The following DLG2 variants were observed in gnomAD, a reference collection of about 807,000 sequenced individuals.
The protein encoded by DLG2 is disks large homolog 2.
In DLG2, 45 loss-of-function variants were observed where a neutral mutation model predicts 132.5. The ratio of observed to expected loss-of-function variants is 0.34; its 90% CI spans 0.27 to 0.44. DLG2 has a LOEUF of 0.44. DLG2 is among the 20% of genes least tolerant of loss of function. The pLI is 1.00. For missense variants in DLG2, 1,045 were observed against 1,196.9 expected (o/e 0.87, Z 1.87); for synonymous variants, 424 against 419.6 (o/e 1.01, Z -0.13).
rs892709513 is a variant in DLG2, at chr11:85,316,748, G to GA, written c.41-31384dup. Among the ~76,000 whole-genome samples, 24 of 151,088 alleles carry GA rather than the reference G, an allele frequency of 1.6e-4. No homozygotes were observed. In the East Asian group the frequency reaches 3.1e-3, roughly 19 times the overall value. On this transcript the variant is annotated intron_variant, in intron 3 of 27. Transcript: ENST00000376104. ...AAATAGAAAATCTTCTTTGGCAGAA[G>GA]AAAAAAAACAGGTAAAATACAACTG...
At chr11:84,798,522 A>T (rs2074966712) in intron 6 of DLG2, among the ~76,000 whole-genome samples, 1 of 152,088 alleles carries the variant, frequency 6.6e-6, no homozygotes, top group Non-Finnish European at 1.5e-5. Context: ...GGGGCTCTTC[A>T]GTCAGCTTGT....
chr11:83,488,061 G>C (rs1157731631), intron 21 of DLG2, among the ~76,000 whole-genome samples: 1 of 151,900 alleles, frequency 6.6e-6, no homozygotes, highest in East Asian at 1.9e-4. Flanking sequence ...TGAGTGAATT[G>C]TATACTATGT....
chr11:85,590,327 C>T (rs759682141), intron 3 of DLG2, among the ~76,000 whole-genome samples: 42 of 152,058 alleles, frequency 2.8e-4, no homozygotes, highest in Non-Finnish European at 5.4e-4. Context: ...AACAATAGTA[C>T]AATATAATAA....
intron 19 of DLG2, among the ~76,000 whole-genome samples, chr11:83,628,046 C>A (rs556454957): frequency 1.3e-5 from 2 of 152,228 alleles, no homozygotes; most frequent in East Asian, 3.9e-4. Flanking sequence ...CCTTCGCCCA[C>A]TTTTTGATGG....
chr11:84,088,170 C>CT (rs1355074431), intron 10 of DLG2, among the ~76,000 whole-genome samples: 2 of 152,026 alleles, frequency 1.3e-5, no homozygotes, highest in African/African-American at 4.8e-5. Flanking sequence ...GTTGCTCATG[C>CT]TTTTTGTGTC....
At chr11:84,361,107 G>C (rs2098647436) in intron 7 of DLG2, among the ~76,000 whole-genome samples, 1 of 151,852 alleles carries the variant, frequency 6.6e-6, no homozygotes, top group Non-Finnish European at 1.5e-5. Flanking sequence ...AAAATGAACA[G>C]AGTGCCAGTG....
intron 6 of DLG2, among the ~76,000 whole-genome samples, chr11:85,034,841 T>C (rs564193486): frequency 1.3e-5 from 2 of 152,300 alleles, no homozygotes; most frequent in South Asian, 4.1e-4. Context: ...CCTTGATGAT[T>C]CTTTTTCTGA....
At chr11:85,454,175 A>G (rs1297792743) in intron 3 of DLG2, among the ~76,000 whole-genome samples, 1 of 150,788 alleles carries the variant, frequency 6.6e-6, no homozygotes, top group African/African-American at 2.4e-5. Flanking sequence ...GTGTATAAGC[A>G]TTCCCCTTTC....
chr11:85,248,495 C>T (rs1252539915), intron 4 of DLG2, among the ~76,000 whole-genome samples: 1 of 151,858 alleles, frequency 6.6e-6, no homozygotes, highest in Non-Finnish European at 1.5e-5. Flanking sequence ...AACTTCTGAC[C>T]TTTCTACCTG....
chr11:85,443,831 T>C (rs2091892469), intron 3 of DLG2, among the ~76,000 whole-genome samples: 3 of 152,206 alleles, frequency 2.0e-5, no homozygotes, highest in Non-Finnish European at 4.4e-5. Context: ...CTCTTTGTTT[T>C]GTCTTTTATC....
In DLG2 at chr11:83,874,523, A is replaced by G. The variant is rs780622125; in HGVS notation, c.1497-35T>C. 2.7e-6 allele frequency: 4 copies of G among 1,490,480 alleles called. No homozygotes were observed. The East Asian group carries it at 9.8e-5, about 37-fold the overall frequency. 92.3% of individuals were successfully genotyped at this position (1,490,480 alleles called of 1,614,324 possible). ...AAGACAGAAGAAACACACATCATTT[A>G]TTTATTTTTTATTTTTTTATTTTTT... On this transcript the variant is annotated intron_variant, in intron 15 of 27. Transcript: ENST00000376104.
intron 18 of DLG2, among the ~76,000 whole-genome samples, chr11:83,727,397 C>A (rs961856867): frequency 5.9e-5 from 9 of 152,296 alleles, no homozygotes; most frequent in Middle Eastern, 6.8e-3. Context: ...CACTCCCCAC[C>A]ACCCAAGGCT....
chr11:85,392,455 T>C (rs1177802237), intron 3 of DLG2, among the ~76,000 whole-genome samples: 2 of 151,084 alleles, frequency 1.3e-5, no homozygotes, highest in African/African-American at 4.9e-5. Flanking sequence ...AAAATTCATA[T>C]GGAACCAAAA....
chr11:84,419,130 G>A (rs1233449069), intron 7 of DLG2, among the ~76,000 whole-genome samples: 1 of 151,898 alleles, frequency 6.6e-6, no homozygotes, highest in Non-Finnish European at 1.5e-5. Context: ...AAGAGAAGGC[G>A]AGAGGGAGAA....
chr11:85,365,361 A>G lies in DLG2; in HGVS notation c.41-79996T>C, dbSNP rs141646626. On this transcript the variant is annotated intron_variant, in intron 3 of 27. Transcript: ENST00000376104. ...GGTCAAATTCTCTATTCTTTGATTC[A>G]TTAACTTGCACACGTGTAAGTCTGG... Among the ~76,000 whole-genome samples, 446 of 152,304 alleles carry G rather than the reference A, an allele frequency of 2.9e-3. 1 individual carries two copies. The highest frequency in any genetic ancestry group is 0.01 in the African/African-American group (431 of 41,582).
intron 3 of DLG2, among the ~76,000 whole-genome samples, chr11:85,566,945 T>G (rs1440578459): frequency 6.6e-6 from 1 of 152,216 alleles, no homozygotes; most frequent in Non-Finnish European, 1.5e-5. Context: ...CCCCCTTGAA[T>G]GGGCCTTGGC....
intron 6 of DLG2, among the ~76,000 whole-genome samples, chr11:84,570,159 C>T (rs910357483): frequency 2.6e-5 from 4 of 152,152 alleles, no homozygotes; most frequent in Non-Finnish European, 2.9e-5. Context: ...GAACTAGTCC[C>T]TACATAACTC....
intron 6 of DLG2, among the ~76,000 whole-genome samples, chr11:84,834,653 TC>T: frequency 6.6e-6 from 1 of 151,304 alleles, no homozygotes; most frequent in Middle Eastern, 3.4e-3. Context: ...GAATATGGAG[TC>T]TTTTTTATCA....
chr11:85,498,302 T>G (rs2093715564), intron 3 of DLG2, among the ~76,000 whole-genome samples: 1 of 152,012 alleles, frequency 6.6e-6, no homozygotes, highest in Non-Finnish European at 1.5e-5. Context: ...AAAACAGACT[T>G]TAAACGAACA....
Sources: gnomAD v4.1 joint callset for allele counts (sites outside exome capture counted in the v4.1 genomes callset) on GRCh38, gnomAD v4.1.1 for gene constraint, MANE v1.5 for transcripts, NCBI Gene and HGNC (gene_info 2026-07-23, HGNC 2026-07-21) for gene names.